NHLRC2: variants seen among roughly 807,000 people sequenced by gnomAD.
The protein encoded by NHLRC2 is NHL repeat containing 2, also known as NHL repeat-containing protein 2.
NHLRC2 carries 33 observed loss-of-function variants against 68.1 expected under a neutral mutation model. The ratio of observed to expected loss-of-function variants is 0.48; its 90% CI spans 0.37 to 0.65. The LOEUF is 0.65. NHLRC2 is among the 30% of genes least tolerant of loss of function. The pLI, the probability that NHLRC2 is intolerant of heterozygous loss-of-function variation, is 0.00. For synonymous variants in NHLRC2, 311 were observed against 309.6 expected (o/e 1.00, Z -0.05); for missense variants, 761 against 853.8 (o/e 0.89, Z 1.35).
intron 5 of NHLRC2, among the ~76,000 whole-genome samples, chr10:113,885,227 A>C (rs1263015512): frequency 6.6e-6 from 1 of 151,914 alleles, no homozygotes; most frequent in African/African-American, 2.4e-5. Context: ...GTTGTTATTA[A>C]CTTTTATGAA....
At chr10:113,899,463 T>G (rs1343841865) in intron 6 of NHLRC2, among the ~76,000 whole-genome samples, 1 of 152,216 alleles carries the variant, frequency 6.6e-6, no homozygotes, top group Admixed American at 6.5e-5. Flanking sequence ...TTTTAAGACA[T>G]TTAATCGTTT....
intron 2 of NHLRC2, among the ~76,000 whole-genome samples, chr10:113,863,677 C>T (rs1402967769): frequency 6.6e-6 from 1 of 151,870 alleles, no homozygotes; most frequent in Non-Finnish European, 1.5e-5. Flanking sequence ...TACAACCAAC[C>T]AAAAGTTGGT....
At chr10:113,899,686 G>A (rs548549671) in intron 6 of NHLRC2, among the ~76,000 whole-genome samples, 9 of 152,246 alleles carry the variant, frequency 5.9e-5, no homozygotes, top group East Asian at 5.8e-4. Flanking sequence ...TTGGGGGGCC[G>A]AGGCAGGCAG....
At chr10:113,880,587 T>C (rs774942192) in intron 4 of NHLRC2, among the ~76,000 whole-genome samples, 1 of 151,902 alleles carries the variant, frequency 6.6e-6, no homozygotes. Flanking sequence ...CTTTCAGTAT[T>C]GACATTTATT....
At position 113,884,462 on chromosome 10, in the gene NHLRC2, G is replaced by T. The variant is rs1447526938; in HGVS notation, c.1039+82G>T. On this transcript the variant is annotated intron_variant, in intron 5 of 10. Coordinates refer to ENST00000369301, the MANE Select transcript of NHLRC2 (RefSeq NM_198514.4). Reference sequence around the variant, plus strand: ...AAAATATTCTTGAGGTGGTCATTTGGATTCCATTACTAGTTATTTTATTTT... The same window carrying T: ...AAAATATTCTTGAGGTGGTCATTTGTATTCCATTACTAGTTATTTTATTTT... 1.4e-5 allele frequency: 16 copies of T among 1,141,536 alleles called. No individual in the cohort carries two copies. In the South Asian group the frequency reaches 1.4e-4, roughly 10 times the overall value. 70.7% of individuals were successfully genotyped at this position (1,141,536 alleles called of 1,614,324 possible). A position where few individuals can be genotyped will look rare whatever the true frequency, so the allele number is the denominator to read the frequency against.
intron 5 of NHLRC2, among the ~76,000 whole-genome samples, chr10:113,897,226 T>C (rs1434630402): frequency 1.2e-4 from 19 of 152,154 alleles, no homozygotes; most frequent in Admixed American, 1.2e-3. Context: ...AAAAGTTTAT[T>C]ATCTTAGATT....
chr10:113,917,096 G>A lies in NHLRC2; in HGVS notation c.*8560G>A, dbSNP rs370289267. Reference sequence around the variant, plus strand: ...AGTGTAATACAAGTGATCATAGAAGGTGAGAATGTGTTTATACTGTATATG... The same window carrying A: ...AGTGTAATACAAGTGATCATAGAAGATGAGAATGTGTTTATACTGTATATG... On this transcript the variant is annotated 3_prime_UTR_variant, in exon 11 of 11. Transcript: ENST00000369301. 2.0e-5 allele frequency: 3 copies of A among 152,148 alleles called. No individual in the cohort carries two copies. Among genetic ancestry groups the A allele is most frequent in the Admixed American group, 6.5e-5 (1 of 15,270 alleles). 9.4% of individuals were successfully genotyped at this position (152,148 alleles called of 1,614,324 possible).
chr10:113,900,355 T>G (rs971273839), intron 6 of NHLRC2, among the ~76,000 whole-genome samples: 20 of 152,142 alleles, frequency 1.3e-4, no homozygotes, highest in Non-Finnish European at 2.6e-4. Flanking sequence ...GAGGCATAAT[T>G]ATAAACAGCA....
chr10:113,881,114 A>G (rs1055546086), intron 4 of NHLRC2, among the ~76,000 whole-genome samples: 1 of 151,780 alleles, frequency 6.6e-6, no homozygotes, highest in African/African-American at 2.4e-5. Flanking sequence ...TTTCTTTATC[A>G]TTATCTTTTT....
At chr10:113,889,455 C>T (rs1846112593) in intron 5 of NHLRC2, among the ~76,000 whole-genome samples, 1 of 152,048 alleles carries the variant, frequency 6.6e-6, no homozygotes, top group African/African-American at 2.4e-5. Context: ...AAATTTGATG[C>T]AGTATGACTA....
chr10:113,884,118 CT>C, intron 4 of NHLRC2, 132 bp from the exon 5 acceptor site: 3 of 653,466 alleles, frequency 4.6e-6, no homozygotes, highest in Non-Finnish European at 7.4e-6. Context: ...ATTGATTGGC[CT>C]TTTTTCATAA....
rs763309733 is a variant in NHLRC2, at chr10:113,914,978, TCA to T, written c.*6445_*6446del. On this transcript the variant is annotated 3_prime_UTR_variant, in exon 11 of 11. Transcript: ENST00000369301. Reference sequence around the variant, plus strand: ...TCAGGCTTGCAGAAGGCTGCCCCAATCACAGAGCCTGGGTAAGGTGGAACAGG... The same window carrying T: ...TCAGGCTTGCAGAAGGCTGCCCCAATCAGAGCCTGGGTAAGGTGGAACAGG... 13 of 456,290 alleles carry T rather than the reference TCA, an allele frequency of 2.8e-5. 1 individual carries two copies. The highest frequency in any genetic ancestry group is 2.0e-4 in the South Asian group (13 of 64,570). The allele number at this position is 456,290 out of a possible 1,614,324, so 28.3% of individuals were successfully genotyped here. A position where few individuals can be genotyped will look rare whatever the true frequency, so the allele number is the denominator to read the frequency against.
Position 113,916,527 on chromosome 10 carries a change from A to G in NHLRC2, c.*7991A>G, listed in dbSNP as rs1323857410. 3.3e-5 allele frequency: 5 copies of G among 152,184 alleles called. No individual in the cohort carries two copies. Among genetic ancestry groups the G allele is most frequent in the East Asian group, 1.9e-4 (1 of 5,204 alleles). 9.4% of individuals were successfully genotyped at this position (152,184 alleles called of 1,614,324 possible). A position where few individuals can be genotyped will look rare whatever the true frequency, so the allele number is the denominator to read the frequency against. ...GTATACCTTCCTAATTATATTTTACATAGGCTGTTTTTTTTAAGTTTAAAT... is the reference window on the plus strand; with the variant it reads ...GTATACCTTCCTAATTATATTTTACGTAGGCTGTTTTTTTTAAGTTTAAAT... On this transcript the variant is annotated 3_prime_UTR_variant, in exon 11 of 11. Transcript: ENST00000369301.
intron 2 of NHLRC2, among the ~76,000 whole-genome samples, chr10:113,867,487 A>G (rs1447393122): frequency 6.6e-6 from 1 of 152,126 alleles, no homozygotes; most frequent in Non-Finnish European, 1.5e-5. Context: ...TGATCCTTTC[A>G]TTTTTATGTT....
At chr10:113,895,120 G>GATA (rs1314864852) in intron 5 of NHLRC2, among the ~76,000 whole-genome samples, 1 of 152,156 alleles carries the variant, frequency 6.6e-6, no homozygotes, top group African/African-American at 2.4e-5. Flanking sequence ...TGTTTGAGAG[G>GATA]ATAATAGTAC....
chr10:113,882,695 G>A (rs1846046195), intron 4 of NHLRC2, among the ~76,000 whole-genome samples: 1 of 151,482 alleles, frequency 6.6e-6, no homozygotes, highest in Non-Finnish European at 1.5e-5. Context: ...TTTAAATTTT[G>A]ATGATGACTG....
Position 113,914,951 on chromosome 10 carries a change from C to T in NHLRC2, c.*6415C>T. 2.2e-6 allele frequency: 1 copy of T among 456,118 alleles called. No individual in the cohort carries two copies. Among genetic ancestry groups the T allele is most frequent in the Non-Finnish European group, 4.4e-6 (1 of 226,898 alleles). 28.3% of individuals were successfully genotyped at this position (456,118 alleles called of 1,614,324 possible). ...TGAGCTCTGGAGGTTCGCCTGGCTGCCTCAGGCTTGCAGAAGGCTGCCCCA... is the reference window on the plus strand; with the variant it reads ...TGAGCTCTGGAGGTTCGCCTGGCTGTCTCAGGCTTGCAGAAGGCTGCCCCA... On this transcript the variant is annotated 3_prime_UTR_variant, in exon 11 of 11. Coordinates refer to ENST00000369301, the MANE Select transcript of NHLRC2 (RefSeq NM_198514.4).
intron 2 of NHLRC2, among the ~76,000 whole-genome samples, chr10:113,864,995 G>C (rs577218689): frequency 1.1e-4 from 16 of 151,680 alleles, no homozygotes; most frequent in African/African-American, 3.6e-4. Context: ...TGTCGCCCAG[G>C]CTGGAGTGCA....
At chr10:113,880,535 A>G (rs957603820) in intron 4 of NHLRC2, among the ~76,000 whole-genome samples, 21 of 151,930 alleles carry the variant, frequency 1.4e-4, no homozygotes, top group South Asian at 4.1e-4. Flanking sequence ...CATCCTGTCT[A>G]AATACATTGT....
Sources: gnomAD v4.1 joint callset for allele counts (sites outside exome capture counted in the v4.1 genomes callset) on GRCh38, gnomAD v4.1.1 for gene constraint, MANE v1.5 for transcripts, NCBI Gene and HGNC (gene_info 2026-07-23, HGNC 2026-07-21) for gene names.